Variants in HS3ST4 observed in about 807,000 individuals in gnomAD.
The protein encoded by HS3ST4 is heparan sulfate glucosamine 3-O-sulfotransferase 4.
A neutral mutation model predicts 29.2 loss-of-function variants in HS3ST4; 17 were observed. That is an observed-to-expected ratio of 0.58 (90% CI 0.40 to 0.87). HS3ST4 has a LOEUF of 0.87. Ranked by LOEUF, HS3ST4 falls within the 40% of genes least tolerant of loss-of-function variation. The pLI, the probability that HS3ST4 is intolerant of heterozygous loss-of-function variation, is 0.00. For synonymous variants in HS3ST4, 314 were observed against 285.7 expected, an observed-to-expected ratio of 1.10 and a Z score of -1.00; for missense variants, 627 against 634.5, an observed-to-expected ratio of 0.99 and a Z score of 0.13.
At chr16:25,867,686 A>ATAGC (rs1329457958) in intron 1 of HS3ST4, among the ~76,000 whole-genome samples, 2 of 152,188 alleles carry the variant, frequency 1.3e-5, no homozygotes, top group East Asian at 3.8e-4. Context: ...GTATCTCTTA[A>ATAGC]TAGCTTCAGG....
At position 25,713,795 on chromosome 16, in the gene HS3ST4, C is replaced by G. The variant is rs112975653; in HGVS notation, c.734+20644C>G. Reference sequence around the variant, plus strand: ...TGCCCACCTCAGAGAGAACACAACTCGGTCCATAACACAGAACAAATACTG... The same window carrying G: ...TGCCCACCTCAGAGAGAACACAACTGGGTCCATAACACAGAACAAATACTG... On this transcript the variant is annotated intron_variant, in intron 1 of 1. Coordinates refer to ENST00000331351, the MANE Select transcript of HS3ST4 (RefSeq NM_006040.3). 5.4e-3 allele frequency among the ~76,000 whole-genome samples: 821 copies of G among 152,254 alleles called. 5 individuals are homozygous for G. The highest frequency in any genetic ancestry group is 0.019 in the African/African-American group (771 of 41,546).
At chr16:25,794,163 A>G (rs923699460) in intron 1 of HS3ST4, among the ~76,000 whole-genome samples, 2 of 152,128 alleles carry the variant, frequency 1.3e-5, no homozygotes, top group Admixed American at 6.5e-5. Flanking sequence ...ATTCACAAAT[A>G]ACACTAGGAA....
chr16:25,716,500 A>G (rs2141587409), intron 1 of HS3ST4, among the ~76,000 whole-genome samples: 1 of 152,356 alleles, frequency 6.6e-6, no homozygotes, highest in African/African-American at 2.4e-5. Context: ...GGTGCCAGGT[A>G]GAGAAAGCCG....
chr16:25,699,588 A>G (rs1246155689), intron 1 of HS3ST4, among the ~76,000 whole-genome samples: 1 of 152,242 alleles, frequency 6.6e-6, no homozygotes, highest in Admixed American at 6.5e-5. Flanking sequence ...TTTATTGGAC[A>G]ACAGGTTACT....
chr16:25,769,848 C>T (rs978300604), intron 1 of HS3ST4, among the ~76,000 whole-genome samples: 6 of 152,084 alleles, frequency 3.9e-5, no homozygotes, highest in African/African-American at 1.4e-4. Flanking sequence ...AAGGTTGTAG[C>T]CAACACAGGG....
chr16:25,948,926 T>A (rs369151107), intron 1 of HS3ST4, among the ~76,000 whole-genome samples: 1 of 152,316 alleles, frequency 6.6e-6, no homozygotes, highest in African/African-American at 2.4e-5. Flanking sequence ...TCATAAATTC[T>A]GGGGTCTGAG....
intron 1 of HS3ST4, among the ~76,000 whole-genome samples, chr16:25,862,898 G>C (rs1967653297): frequency 6.6e-6 from 1 of 152,190 alleles, no homozygotes; most frequent in Non-Finnish European, 1.5e-5. Context: ...CCCACCCACT[G>C]TGTCTGAGCA....
chr16:25,703,780 A>G (rs190163794), intron 1 of HS3ST4, among the ~76,000 whole-genome samples: 3 of 152,232 alleles, frequency 2.0e-5, no homozygotes, highest in East Asian at 3.9e-4. Flanking sequence ...TCCTCCTGGA[A>G]TATTCTGTCC....
chr16:25,772,094 T>C (rs1966843162), intron 1 of HS3ST4, among the ~76,000 whole-genome samples: 1 of 152,182 alleles, frequency 6.6e-6, no homozygotes, highest in Non-Finnish European at 1.5e-5. Flanking sequence ...AATAAAACTT[T>C]ATGTACAAAA....
At chr16:26,071,301 C>T (rs558380361) in intron 1 of HS3ST4, among the ~76,000 whole-genome samples, 1 of 152,066 alleles carries the variant, frequency 6.6e-6, no homozygotes, top group African/African-American at 2.4e-5. Flanking sequence ...GATGGGGAAG[C>T]GGCTGTAGAA....
chr16:25,919,880 G>C (rs1968329912), intron 1 of HS3ST4, among the ~76,000 whole-genome samples: 1 of 150,818 alleles, frequency 6.6e-6, no homozygotes. Flanking sequence ...AAATGGAGGA[G>C]AGGAATCAAA....
intron 1 of HS3ST4, among the ~76,000 whole-genome samples, chr16:26,039,213 A>G (rs1350713038): frequency 6.6e-6 from 1 of 152,230 alleles, no homozygotes; most frequent in African/African-American, 2.4e-5. Flanking sequence ...TAAGAAGTAC[A>G]TGAATACATT....
chr16:25,802,444 A>G (rs1377476411), intron 1 of HS3ST4, among the ~76,000 whole-genome samples: 1 of 151,938 alleles, frequency 6.6e-6, no homozygotes, highest in Non-Finnish European at 1.5e-5. Flanking sequence ...TACCTCTGTT[A>G]TGGTTTCAGT....
intron 1 of HS3ST4, among the ~76,000 whole-genome samples, chr16:25,742,008 A>G (rs887168923): frequency 1.3e-5 from 2 of 152,188 alleles, no homozygotes; most frequent in African/African-American, 4.8e-5. Context: ...AGACATAGTG[A>G]GTGTTTCTCA....
At chr16:25,851,452 T>A (rs943801179) in intron 1 of HS3ST4, among the ~76,000 whole-genome samples, 4 of 152,150 alleles carry the variant, frequency 2.6e-5, no homozygotes, top group African/African-American at 9.7e-5. Flanking sequence ...AAGTCTTCAT[T>A]GCATGCCCAC....
At chr16:25,744,793 C>T (rs558794270) in intron 1 of HS3ST4, among the ~76,000 whole-genome samples, 19 of 152,220 alleles carry the variant, frequency 1.2e-4, no homozygotes, top group Middle Eastern at 3.4e-3. Context: ...TTTTGAAAAA[C>T]GGGAGTCTCC....
Position 25,692,385 on chromosome 16 carries a change from C to T in HS3ST4, c.-33C>T. 4 of 640,770 alleles carry T rather than the reference C, an allele frequency of 6.2e-6. No homozygotes were observed. Among genetic ancestry groups the T allele is most frequent in the Non-Finnish European group, 7.8e-6 (4 of 512,394 alleles). The allele number at this position is 640,770 out of a possible 1,614,324, so 39.7% of individuals were successfully genotyped here. On this transcript the variant is annotated 5_prime_UTR_variant, in exon 1 of 2. Coordinates refer to ENST00000331351, the MANE Select transcript of HS3ST4 (RefSeq NM_006040.3). ...TCCGGGCAGCGCCGGGGGCTGCCGC[C>T]GCCGCCGCCGCCGCCGCGAGCCGGG...
At chr16:25,859,493 A>G (rs1967616383) in intron 1 of HS3ST4, among the ~76,000 whole-genome samples, 2 of 152,306 alleles carry the variant, frequency 1.3e-5, no homozygotes, top group Non-Finnish European at 2.9e-5. Flanking sequence ...TAGACAGCTA[A>G]GTTATTTTAT....
At chr16:26,012,491 G>A (rs1194944000) in intron 1 of HS3ST4, among the ~76,000 whole-genome samples, 1 of 152,168 alleles carries the variant, frequency 6.6e-6, no homozygotes, top group Non-Finnish European at 1.5e-5. Flanking sequence ...TTGTTTCTCA[G>A]AAGCCACTAA....
Sources: allele counts gnomAD v4.1 joint callset (sites outside exome capture counted in the v4.1 genomes callset), GRCh38; gene constraint gnomAD v4.1.1; transcripts MANE v1.5; gene names NCBI Gene and HGNC (gene_info 2026-07-23, HGNC 2026-07-21).